The following OSBPL3 variants were observed in gnomAD, a reference collection of about 807,000 sequenced individuals.
The protein encoded by OSBPL3 is oxysterol binding protein like 3.
A neutral mutation model predicts 120.1 loss-of-function variants in OSBPL3; 65 were observed. The observed-to-expected ratio is 0.54, with a 90% CI of 0.44 to 0.67. OSBPL3 has a LOEUF of 0.67. OSBPL3 is among the 30% of genes least tolerant of loss of function. The pLI, the probability that OSBPL3 is intolerant of heterozygous loss-of-function variation, is 0.00. For synonymous variants in OSBPL3, 416 were observed against 402.6 expected, an observed-to-expected ratio of 1.03 and a Z score of -0.40; for missense variants, 1,004 against 1,082.1, an observed-to-expected ratio of 0.93 and a Z score of 1.01.
rs1033925086 is a variant in OSBPL3 at position 24,807,018 on chromosome 7, A to G, written c.2318-116T>C. 6 of 825,796 alleles carry G rather than the reference A, an allele frequency of 7.3e-6. No individual in the cohort carries two copies. The South Asian group carries it at 1.2e-4, about 17-fold the overall frequency. The allele number at this position is 825,796 out of a possible 1,614,324, so 51.2% of individuals were successfully genotyped here. ...AATTTTTCTCTCTCAGCTCCCTTCC[A>G]TTTCTGTTAAAATATTCTGACTAAT... is the stretch of plus-strand genomic sequence containing the variant. On this transcript the variant is annotated intron_variant, in intron 20 of 22. Coordinates refer to ENST00000313367, the MANE Select transcript of OSBPL3 (RefSeq NM_015550.4).
rs1036139455 is a variant in OSBPL3, at chr7:24,799,260, T to C, written c.*923A>G. The C allele has an allele frequency of 5.2e-5, 8 of 152,604 alleles. No homozygotes were observed. The highest frequency in any genetic ancestry group is 1.0e-4 in the Non-Finnish European group (7 of 68,026). The allele number at this position is 152,604 out of a possible 1,614,324, so 9.5% of individuals were successfully genotyped here. ...GTTATTTTGCTAAACTTTTACAAAG[T>C]CAAACTGCTGTGTGGAATAAACTGT... On this transcript the variant is annotated 3_prime_UTR_variant, in exon 23 of 23. Coordinates refer to ENST00000313367, the MANE Select transcript of OSBPL3 (RefSeq NM_015550.4). This position sits in a 1 kb window ranked among gnomAD's most constrained non-coding sequence, Gnocchi z 5.3.
intron 2 of OSBPL3, among the ~76,000 whole-genome samples, chr7:24,878,053 C>T (rs947508313): frequency 5.3e-5 from 8 of 152,186 alleles, no homozygotes; most frequent in Non-Finnish European, 8.8e-5. Flanking sequence ...GTCTGTTTTA[C>T]TGAATGTCTG....
At position 24,863,437 on chromosome 7, in the gene OSBPL3, G is replaced by A. The variant is rs1325094757; in HGVS notation, c.777+59C>T. On this transcript the variant is annotated intron_variant, in intron 8 of 22. Coordinates refer to ENST00000313367, the MANE Select transcript of OSBPL3 (RefSeq NM_015550.4). The surrounding 1 kb of genome is among the most constrained non-coding windows in gnomAD (Gnocchi z 5.8). ...GCATCCCACTGTTAGTGAAAGGCTGGGAGGAGAAAGGAAAGCAGAAGAGGG... is the reference window on the plus strand; with the variant it reads ...GCATCCCACTGTTAGTGAAAGGCTGAGAGGAGAAAGGAAAGCAGAAGAGGG... The A allele has an allele frequency of 1.4e-6, 2 of 1,450,182 alleles. No individual in the cohort carries two copies. Among genetic ancestry groups the A allele is most frequent in the East Asian group, 2.3e-5 (1 of 44,052 alleles). 89.8% of individuals were successfully genotyped at this position (1,450,182 alleles called of 1,614,324 possible).
chr7:24,980,573 G>A (rs1818226285), upstream of OSBPL3, among the ~76,000 whole-genome samples: 1 of 152,120 alleles, frequency 6.6e-6, no homozygotes, highest in African/African-American at 2.4e-5. Context: ...GGGAGGGGCA[G>A]GTTTACGGAG....
rs1248179555 is a variant in OSBPL3 at position 24,831,189 on chromosome 7, T to C, written c.1747-284A>G. Among the ~76,000 whole-genome samples, 1 of 152,170 alleles carries C rather than the reference T, an allele frequency of 6.6e-6. No individual in the cohort carries two copies. Among genetic ancestry groups the C allele is most frequent in the Admixed American group, 6.5e-5 (1 of 15,282 alleles). On this transcript the variant is annotated intron_variant, in intron 15 of 22. Transcript: ENST00000313367. The surrounding 1 kb of genome is among the most constrained non-coding windows in gnomAD (Gnocchi z 4.0). ...GACATTTCTAAACTGGACTACACTG[T>C]TTCTGGAAACTGTTAAGCTGAGTCC...
At chr7:24,826,921 G>T (rs1237820746) in intron 16 of OSBPL3, among the ~76,000 whole-genome samples, 2 of 152,054 alleles carry the variant, frequency 1.3e-5, no homozygotes, top group African/African-American at 4.8e-5. Context: ...ACATCCACAT[G>T]CCCAGCAAAT....
Position 24,827,150 on chromosome 7 carries a change from AC to A in OSBPL3, c.1884+3617del, listed in dbSNP as rs1795806446. 1.3e-5 allele frequency among the ~76,000 whole-genome samples: 2 copies of A among 152,196 alleles called. No individual in the cohort carries two copies. Among genetic ancestry groups the A allele is most frequent in the Non-Finnish European group, 1.5e-5 (1 of 68,040 alleles). ...AGTTTATTATACTAGTCATCCAGAAACCTGTACTCATTGTAGAGAGGCACAA... is the reference window on the plus strand; with the variant it reads ...AGTTTATTATACTAGTCATCCAGAAACTGTACTCATTGTAGAGAGGCACAA... On this transcript the variant is annotated intron_variant, in intron 16 of 22. Coordinates refer to ENST00000313367, the MANE Select transcript of OSBPL3 (RefSeq NM_015550.4). The surrounding 1 kb of genome is among the most constrained non-coding windows in gnomAD (Gnocchi z 5.1).
chr7:24,942,385 CCATGTCTGT>C (rs1186689186), intron 1 of OSBPL3, among the ~76,000 whole-genome samples: 2 of 152,198 alleles, frequency 1.3e-5, no homozygotes, highest in Admixed American at 1.3e-4. Flanking sequence ...GTGCCTGAAG[CCATGTCTGT>C]CTGGTGCCTT....
Position 24,802,413 on chromosome 7 carries a change from A to G in OSBPL3, c.2567+1902T>C, listed in dbSNP as rs1000666679. On this transcript the variant is annotated intron_variant, in intron 22 of 22. Coordinates refer to ENST00000313367, the MANE Select transcript of OSBPL3 (RefSeq NM_015550.4). The surrounding 1 kb of genome is among the most constrained non-coding windows in gnomAD (Gnocchi z 4.1). ...TTCTCCAATTGAAAAAAATTTTCCC[A>G]TCTAATACTATGATCATTTTACAGA... Among the ~76,000 whole-genome samples, 1 of 152,216 alleles carries G rather than the reference A, an allele frequency of 6.6e-6. No individual in the cohort carries two copies. The highest frequency in any genetic ancestry group is 1.5e-5 in the Non-Finnish European group (1 of 68,036).
chr7:24,816,535 T>C, intron 18 of OSBPL3, 75 bp downstream of exon 18: 1 of 907,222 alleles, frequency 1.1e-6, no homozygotes, highest in Non-Finnish European at 1.8e-6. Flanking sequence ...GGGGCGGGGG[T>C]GGGCATCCTG....
rs1200523033 is a variant in OSBPL3, at chr7:24,946,963, C to T, written c.-150+32923G>A. 1.3e-5 allele frequency among the ~76,000 whole-genome samples: 2 copies of T among 152,176 alleles called. No individual in the cohort carries two copies. The highest frequency in any genetic ancestry group is 1.3e-4 in the Admixed American group (2 of 15,280). ...TTTGCTGTTTGGCTTGTGCTCAAAACGAAAAGGATAAGCATTATTGTTCAT... is the reference window on the plus strand; with the variant it reads ...TTTGCTGTTTGGCTTGTGCTCAAAATGAAAAGGATAAGCATTATTGTTCAT... On this transcript the variant is annotated intron_variant, in intron 1 of 22. Coordinates refer to ENST00000313367, the MANE Select transcript of OSBPL3 (RefSeq NM_015550.4). The surrounding 1 kb of genome is among the most constrained non-coding windows in gnomAD (Gnocchi z 4.3).
rs1184220821 is a variant in OSBPL3, at chr7:24,855,297, T to C, written c.1028-2663A>G. Among the ~76,000 whole-genome samples the C allele has an allele frequency of 6.6e-6, 1 of 152,184 alleles. No homozygotes were observed. The highest frequency in any genetic ancestry group is 1.5e-5 in the Non-Finnish European group (1 of 68,034). Reference sequence around the variant, plus strand: ...AAATAAAATAAATGTGGCACTCAGCTAGCCGCCACTTTCCAAATCAATTCC... The same window carrying C: ...AAATAAAATAAATGTGGCACTCAGCCAGCCGCCACTTTCCAAATCAATTCC... On this transcript the variant is annotated intron_variant, in intron 10 of 22. Transcript: ENST00000313367. The surrounding 1 kb of genome is among the most constrained non-coding windows in gnomAD (Gnocchi z 4.3).
Position 24,947,939 on chromosome 7 carries a change from T to C in OSBPL3, c.-150+31947A>G, listed in dbSNP as rs901844749. Among the ~76,000 whole-genome samples the C allele has an allele frequency of 1.3e-5, 2 of 152,122 alleles. No individual in the cohort carries two copies. Among genetic ancestry groups the C allele is most frequent in the African/African-American group, 4.8e-5 (2 of 41,404 alleles). ...TGTGCCAAAGATGCAAGAGATTATATCACAGATTAAGCTTTAAGAATGATT... is the reference window on the plus strand; with the variant it reads ...TGTGCCAAAGATGCAAGAGATTATACCACAGATTAAGCTTTAAGAATGATT... On this transcript the variant is annotated intron_variant, in intron 1 of 22. Coordinates refer to ENST00000313367, the MANE Select transcript of OSBPL3 (RefSeq NM_015550.4). This position sits in a 1 kb window ranked among gnomAD's most constrained non-coding sequence, Gnocchi z 4.4.
At chr7:24,957,117 G>C (rs930427849) in intron 1 of OSBPL3, among the ~76,000 whole-genome samples, 3 of 151,934 alleles carry the variant, frequency 2.0e-5, no homozygotes, top group Admixed American at 1.3e-4. Context: ...TACTTGAATA[G>C]GCCCATTGCT....
intron 1 of OSBPL3, among the ~76,000 whole-genome samples, chr7:24,903,875 C>T (rs1807438440): frequency 7.1e-6 from 1 of 141,430 alleles, no homozygotes; most frequent in Admixed American, 7.7e-5. Flanking sequence ...ACCATGTTCT[C>T]ACCACCAATT....
At chr7:24,848,109 A>G (rs4719783) in intron 12 of OSBPL3, among the ~76,000 whole-genome samples, 29,465 of 152,138 alleles carry the variant, frequency 0.19, 3,040 homozygotes, top group Non-Finnish European at 0.22. Context: ...CCGGAGCCCT[A>G]CAGTCCATGT....
At chr7:24,979,674 G>A (rs1031735096) in intron 1 of OSBPL3, among the ~76,000 whole-genome samples, 1 of 152,120 alleles carries the variant, frequency 6.6e-6, no homozygotes, top group African/African-American at 2.4e-5. Flanking sequence ...GGGTGGGTGA[G>A]ACCCGGGTCC....
chr7:24,881,314 T>G lies in OSBPL3; in HGVS notation c.97-9245A>C, dbSNP rs185864703. Among the ~76,000 whole-genome samples, 4 of 152,290 alleles carry G rather than the reference T, an allele frequency of 2.6e-5. No homozygotes were observed. Among genetic ancestry groups the G allele is most frequent in the Non-Finnish European group, 4.4e-5 (3 of 68,018 alleles). On this transcript the variant is annotated intron_variant, in intron 2 of 22. Transcript: ENST00000313367. This position sits in a 1 kb window ranked among gnomAD's most constrained non-coding sequence, Gnocchi z 4.3. ...CATAATGAGAACCTAGTGACAATGT[T>G]AAGATCTCAGAGAACTTTACAAATC...
chr7:24,902,118 G>A (rs1345881144), intron 1 of OSBPL3, among the ~76,000 whole-genome samples: 1 of 152,230 alleles, frequency 6.6e-6, no homozygotes, highest in Non-Finnish European at 1.5e-5. Context: ...CCTGAAAGGG[G>A]TTGTTGAGGT....
Sources: allele counts gnomAD v4.1 joint callset (sites outside exome capture counted in the v4.1 genomes callset), GRCh38; gene constraint gnomAD v4.1.1; non-coding constraint Gnocchi (gnomAD v3.1); transcripts MANE v1.5; gene names NCBI Gene and HGNC (gene_info 2026-07-23, HGNC 2026-07-21).